The following ACMSD variants were observed in gnomAD, a reference collection of about 807,000 sequenced individuals.
ACMSD encodes the protein aminocarboxymuconate semialdehyde decarboxylase, also known as 2-amino-3-carboxymuconate-6-semialdehyde decarboxylase.
A neutral mutation model predicts 45.9 loss-of-function variants in ACMSD; 37 were observed. That is an observed-to-expected ratio of 0.81 (90% CI 0.62 to 1.06). The LOEUF (loss-of-function observed/expected upper bound fraction) is 1.06, where lower values mean the gene tolerates loss of function less well. Ranked by LOEUF, ACMSD falls within the 50% of genes least tolerant of loss-of-function variation. The probability of loss-of-function intolerance (pLI) is 0.00; values close to 1 mark genes in which losing one functional copy is unlikely to be tolerated. For missense variants in ACMSD, 434 were observed against 420.9 expected (o/e 1.03, Z -0.27); for synonymous variants, 138 against 148.8 (o/e 0.93, Z 0.53).
In ACMSD at chr2:134,863,537, G is replaced by A. The variant is rs147728377; in HGVS notation, c.392G>A (p.Arg131His). ...GAGCTGGCGGTCAAGGAGATGGAGC[G>A]CTGTGTGAAAGAGCTGGGCTTTCCC... ...APELAVKEME[R>H]CVKELGFPGV... The change falls in exon 5 of 10, where the codon CGC (arginine) becomes CAC (histidine). Residue 131 changes from arginine to histidine, a missense_variant. Arg to His is a conservative substitution (Grantham distance 29, BLOSUM62 0). Transcript: ENST00000356140. 54 of 1,614,202 alleles carry A rather than the reference G, an allele frequency of 3.3e-5. No homozygotes were observed. The highest frequency in any genetic ancestry group is 1.9e-4 in the South Asian group (17 of 91,086).
At chr2:134,863,175 A>C (rs1687925955) in intron 4 of ACMSD, 2 of 622,832 alleles carry the variant, frequency 3.2e-6, no homozygotes, top group South Asian at 7.0e-5. Context: ...CAATTTTTCC[A>C]ATGAATCAGC....
chr2:134,882,500 T>C (rs1437270444), intron 8 of ACMSD, among the ~76,000 whole-genome samples: 1 of 152,240 alleles, frequency 6.6e-6, no homozygotes, highest in Admixed American at 6.5e-5. Context: ...TTTCATTACC[T>C]ACTCCAGCAC....
rs59782657 is a variant in ACMSD at position 134,845,509 on chromosome 2, G to GTCTCTCTCTCTC, written c.102+267_102+278dup. Among the ~76,000 whole-genome samples, 805 of 94,408 alleles carry GTCTCTCTCTCTC rather than the reference G, an allele frequency of 8.5e-3. 9 individuals carry two copies. Among genetic ancestry groups the GTCTCTCTCTCTC allele is most frequent in the Non-Finnish European group, 9.7e-3 (496 of 51,022 alleles). The allele number at this position is 94,408 out of a possible 152,430, so 61.9% of individuals were successfully genotyped here. A position where few individuals can be genotyped will look rare whatever the true frequency, so the allele number is the denominator to read the frequency against. On this transcript the variant is annotated intron_variant, in intron 2 of 9. Transcript: ENST00000356140. ...TTGGAATTTGAGAACACATTAAAAG[G>GTCTCTCTCTCTC]TCTCTCTCTCTCTCTCTCTCTCTCT...
At chr2:134,871,378 C>T (rs1688428064) in intron 7 of ACMSD, among the ~76,000 whole-genome samples, 1 of 152,164 alleles carries the variant, frequency 6.6e-6, no homozygotes. Flanking sequence ...AGCACAGTCA[C>T]ATTTGGCATT....
At chr2:134,839,787 T>A (rs1369102347) in intron 1 of ACMSD, among the ~76,000 whole-genome samples, 1 of 152,158 alleles carries the variant, frequency 6.6e-6, no homozygotes, top group Admixed American at 6.5e-5. Flanking sequence ...AAGATAAACC[T>A]CTCAACCTGC....
intron 8 of ACMSD, among the ~76,000 whole-genome samples, chr2:134,885,959 C>A (rs1573707395): frequency 6.6e-6 from 1 of 152,120 alleles, no homozygotes; most frequent in South Asian, 2.1e-4. Context: ...TTATTTCTCA[C>A]ATTTATTGGG....
intron 2 of ACMSD, 150 bp downstream of exon 2, chr2:134,845,427 C>A: frequency 1.2e-6 from 1 of 801,994 alleles, no homozygotes; most frequent in Non-Finnish European, 2.0e-6. Context: ...TGAGATTTCT[C>A]AGAATAATTG....
chr2:134,872,235 G>A (rs1688491657), intron 7 of ACMSD, among the ~76,000 whole-genome samples: 1 of 152,124 alleles, frequency 6.6e-6, no homozygotes, highest in South Asian at 2.1e-4. Flanking sequence ...AGGATTATAG[G>A]TGTGAGCCAT....
chr2:134,881,274 T>C (rs1202638304), intron 8 of ACMSD, among the ~76,000 whole-genome samples: 1 of 152,270 alleles, frequency 6.6e-6, no homozygotes, highest in African/African-American at 2.4e-5. Flanking sequence ...GTTCCGGGAT[T>C]ACAGGCATGT....
At chr2:134,858,907 A>G (rs376847141) in intron 2 of ACMSD, among the ~76,000 whole-genome samples, 1 of 149,868 alleles carries the variant, frequency 6.7e-6, no homozygotes, top group East Asian at 2.0e-4. Flanking sequence ...TAAATGTTAT[A>G]GAACTACCAT....
At chr2:134,886,258 T>A (rs536145299) in intron 8 of ACMSD, among the ~76,000 whole-genome samples, 1,693 of 133,902 alleles carry the variant, frequency 0.013, 57 homozygotes, top group African/African-American at 0.05. Flanking sequence ...TTTTTTTTTT[T>A]TTTTTTTTTT....
intron 2 of ACMSD, among the ~76,000 whole-genome samples, chr2:134,849,897 C>T (rs1687250326): frequency 1.3e-5 from 2 of 151,858 alleles, no homozygotes; most frequent in Admixed American, 1.3e-4. Flanking sequence ...TAGACACAGG[C>T]CCGTTTCAAA....
In ACMSD at chr2:134,855,982, G is replaced by A. The variant is rs184351667; in HGVS notation, c.103-3279G>A. Among the ~76,000 whole-genome samples the A allele has an allele frequency of 4.5e-3, 681 of 152,286 alleles. 19 individuals are homozygous for A. Among genetic ancestry groups the A allele is most frequent in the Admixed American group, 0.042 (643 of 15,292 alleles). The stretch of plus-strand genomic sequence containing the variant: ...ACTTGGACATTCTATGGGGCCCAAA[G>A]GTAACCTTGAGGCCCTGAAGCACCA... On this transcript the variant is annotated intron_variant, in intron 2 of 9. Coordinates refer to ENST00000356140, the MANE Select transcript of ACMSD (RefSeq NM_138326.3).
At chr2:134,845,317 G>A in intron 2 of ACMSD, 40 bp downstream of exon 2, 1 of 1,609,930 alleles carries the variant, frequency 6.2e-7, no homozygotes, top group Non-Finnish European at 8.5e-7. Flanking sequence ...TAGCACTCAG[G>A]GAGAGCTGAG....
In ACMSD at chr2:134,863,581, C is replaced by T. The variant is rs763318576; in HGVS notation, c.436C>T (p.His146Tyr). The T allele has an allele frequency of 6.2e-7, 1 of 1,614,164 alleles. No homozygotes were observed. Among genetic ancestry groups the T allele is most frequent in the Non-Finnish European group, 8.5e-7 (1 of 1,180,008 alleles). The change falls in exon 5 of 10, where the codon CAC becomes TAC. Residue 146 changes from histidine to tyrosine, a missense_variant. By Grantham distance (83) the His-to-Tyr change is moderately conservative. Coordinates refer to ENST00000356140, the MANE Select transcript of ACMSD (RefSeq NM_138326.3). ...CTTTCCCGGGGTCCAAATTGGCACC[C>T]ACGTCAACGAGTGGGACCTGAACGC... is the stretch of plus-strand genomic sequence containing the variant. Reference protein sequence around the residue: ...LGFPGVQIGTHVNEWDLNAQE... With the variant: ...LGFPGVQIGTYVNEWDLNAQE...
chr2:134,852,225 C>T (rs757178817), intron 2 of ACMSD, among the ~76,000 whole-genome samples: 8 of 152,120 alleles, frequency 5.3e-5, no homozygotes, highest in Non-Finnish European at 7.4e-5. Flanking sequence ...TTCAGGGAAA[C>T]GGGAATCCAT....
chr2:134,895,357 TA>T lies in ACMSD; in HGVS notation c.850-2982del, dbSNP rs371618059. Among the ~76,000 whole-genome samples, 5 of 145,028 alleles carry T rather than the reference TA, an allele frequency of 3.4e-5. 1 individual carries two copies. Among genetic ancestry groups the T allele is most frequent in the South Asian group, 4.3e-4 (2 of 4,666 alleles). On this transcript the variant is annotated intron_variant, in intron 8 of 9. Coordinates refer to ENST00000356140, the MANE Select transcript of ACMSD (RefSeq NM_138326.3). ...ATATATAATATATATATAACATATA[TA>T]ATATATATATATGTTACAAAACATT...
rs576363393 is a variant in ACMSD, at chr2:134,841,968, T to G, written c.57+3229T>G. The stretch of plus-strand genomic sequence containing the variant: ...CCCAGGAGGCTCATTATTCACCTCA[T>G]GGAGGTGTGATGTCTTCAAGACATT... On this transcript the variant is annotated intron_variant, in intron 1 of 9. Transcript: ENST00000356140. Among the ~76,000 whole-genome samples the G allele has an allele frequency of 2.0e-5, 3 of 152,334 alleles. No individual in the cohort carries two copies. In the East Asian group the frequency reaches 5.8e-4, roughly 29 times the overall value.
Position 134,838,732 on chromosome 2 carries a change from T to C in ACMSD, c.50T>C (p.Leu17Pro), listed in dbSNP as rs1040361179. The stretch of plus-strand genomic sequence containing the variant: ...ATTCTACCAAAAGAATGGCCAGATC[T>C]AAAAAAGGTAATGGTAATTAATTTG... The part of the protein sequence containing the change: ...SHILPKEWPD[L>P]KKRFGYGGWV... The change falls in exon 1 of 10, where the codon CTA (leucine) becomes CCA (proline). Residue 17 changes from leucine to proline, a missense_variant. Coordinates refer to ENST00000356140, the MANE Select transcript of ACMSD (RefSeq NM_138326.3). 5 of 1,608,830 alleles carry C rather than the reference T, an allele frequency of 3.1e-6. No individual in the cohort carries two copies. In the African/African-American group the frequency reaches 5.3e-5, roughly 17 times the overall value.
Sources: gnomAD v4.1 joint callset for allele counts (sites outside exome capture counted in the v4.1 genomes callset) on GRCh38, gnomAD v4.1.1 for gene constraint, MANE v1.5 for transcripts, NCBI Gene and HGNC (gene_info 2026-07-23, HGNC 2026-07-21) for gene names.